Variants in FUBP3 observed in about 807,000 individuals in gnomAD.
The protein encoded by FUBP3 is far upstream element-binding protein 3.
FUBP3 carries 28 observed loss-of-function variants against 85.6 expected under a neutral mutation model. That is an observed-to-expected ratio of 0.33 (90% CI 0.24 to 0.45). The LOEUF (loss-of-function observed/expected upper bound fraction) is 0.45. FUBP3 is among the 20% of genes least tolerant of loss of function. FUBP3 has a pLI of 1.00. For synonymous variants in FUBP3, 271 were observed against 271.4 expected (o/e 1.00, Z 0.01); for missense variants, 583 against 755.1 (o/e 0.77, Z 2.67).
At position 130,616,330 on chromosome 9, in the gene FUBP3, C is replaced by T; in HGVS notation, c.405-25C>T. The T allele has an allele frequency of 6.2e-7, 1 of 1,612,952 alleles. No homozygotes were observed. The highest frequency in any genetic ancestry group is 8.5e-7 in the Non-Finnish European group (1 of 1,179,056). On this transcript the variant is annotated intron_variant, in intron 6 of 18. Transcript: ENST00000319725. The surrounding 1 kb of genome is among the most constrained non-coding windows in gnomAD (Gnocchi z 4.7). The stretch of plus-strand genomic sequence containing the variant: ...AGAGCCTCCATTTAATGCTGGTTCT[C>T]TTGTGGTTCTTTTCCCTCCCAAAGA...
At chr9:130,584,777 G>A (rs1830274380) in intron 1 of FUBP3, among the ~76,000 whole-genome samples, 1 of 152,158 alleles carries the variant, frequency 6.6e-6, no homozygotes, top group Non-Finnish European at 1.5e-5. Flanking sequence ...GCTGAGGCAG[G>A]AGAATTGCTT....
At chr9:130,632,396 A>G (rs1377382219) in intron 16 of FUBP3, 118 bp downstream of exon 16, 1 of 745,726 alleles carries the variant, frequency 1.3e-6, no homozygotes, top group Non-Finnish European at 2.3e-6. Flanking sequence ...CCCTCCCCAA[A>G]TGACAAGGAG....
intron 2 of FUBP3, among the ~76,000 whole-genome samples, chr9:130,601,501 C>T (rs1005201749): frequency 2.6e-5 from 4 of 152,170 alleles, no homozygotes; most frequent in East Asian, 1.9e-4. Flanking sequence ...CAGGAGAGTA[C>T]AGCACTGTCC....
intron 2 of FUBP3, among the ~76,000 whole-genome samples, chr9:130,596,183 G>C (rs1024419460): frequency 2.6e-5 from 4 of 152,180 alleles, no homozygotes. Context: ...CACTCTGGCA[G>C]AGTATCTATC....
chr9:130,637,322 T>G lies in FUBP3; in HGVS notation c.*300T>G. 2.6e-6 allele frequency: 1 copy of G among 382,616 alleles called. No homozygotes were observed. Among genetic ancestry groups the G allele is most frequent in the Non-Finnish European group, 4.8e-6 (1 of 208,282 alleles). The allele number at this position is 382,616 out of a possible 1,614,324, so 23.7% of individuals were successfully genotyped here. Reference sequence around the variant, plus strand: ...GCCTCAGAGCTGTGACATTTCAACATGATGGTTTTGGTTTGGTTTGGTTTT... The same window carrying G: ...GCCTCAGAGCTGTGACATTTCAACAGGATGGTTTTGGTTTGGTTTGGTTTT... On this transcript the variant is annotated 3_prime_UTR_variant, in exon 19 of 19. Transcript: ENST00000319725.
chr9:130,631,754 G>GT (rs1192065430), intron 14 of FUBP3, 124 bp downstream of exon 14: 2 of 869,882 alleles, frequency 2.3e-6, no homozygotes, highest in Non-Finnish European at 3.7e-6. Context: ...GGCAGGACTC[G>GT]TTTCTTTTCC....
At chr9:130,626,993 A>G (rs1421463134) in intron 12 of FUBP3, among the ~76,000 whole-genome samples, 2 of 152,206 alleles carry the variant, frequency 1.3e-5, no homozygotes, top group Non-Finnish European at 2.9e-5. Context: ...CTGCATATTT[A>G]CCGTGAGTCA....
chr9:130,595,166 C>T (rs568849877), intron 1 of FUBP3, among the ~76,000 whole-genome samples: 2 of 143,112 alleles, frequency 1.4e-5, no homozygotes, highest in Admixed American at 7.4e-5. Context: ...GCAAAGGTTG[C>T]GGTGAGCCAA....
chr9:130,606,005 A>G (rs1421123338), intron 2 of FUBP3, among the ~76,000 whole-genome samples: 1 of 152,216 alleles, frequency 6.6e-6, no homozygotes, highest in Non-Finnish European at 1.5e-5. Flanking sequence ...ACAACAAAAA[A>G]GAGTGACATT....
At chr9:130,621,078 T>C (rs145601293) in intron 9 of FUBP3, among the ~76,000 whole-genome samples, 2 of 152,256 alleles carry the variant, frequency 1.3e-5, no homozygotes, top group East Asian at 3.9e-4. Context: ...TTACACAACA[T>C]TGTGAATGTA....
intron 1 of FUBP3, among the ~76,000 whole-genome samples, chr9:130,586,516 C>A (rs1044070008): frequency 2.6e-5 from 4 of 151,734 alleles, no homozygotes; most frequent in Admixed American, 2.6e-4. Flanking sequence ...ATCCTCCTTC[C>A]TCAGCCTCCC....
chr9:130,608,679 G>A (rs1831583626), intron 2 of FUBP3, among the ~76,000 whole-genome samples: 1 of 152,208 alleles, frequency 6.6e-6, no homozygotes, highest in African/African-American at 2.4e-5. Context: ...GAGATAAGCA[G>A]ATTAATAGTG....
chr9:130,587,942 G>A (rs1374904592), intron 1 of FUBP3, among the ~76,000 whole-genome samples: 4 of 152,156 alleles, frequency 2.6e-5, no homozygotes, highest in Admixed American at 2.0e-4. Flanking sequence ...GAGAGATGAG[G>A]TTGTCAGGAA....
At chr9:130,595,431 C>T (rs949927081) in intron 1 of FUBP3, 52 bp from the exon 2 acceptor site, 1 of 898,358 alleles carries the variant, frequency 1.1e-6, no homozygotes, top group Non-Finnish European at 1.9e-6. Flanking sequence ...CTTTCTCCCT[C>T]AGATAGAGCC....
rs908546753 is a variant in FUBP3 at position 130,635,847 on chromosome 9, G to T, written c.1583-152G>T. ...GCTAACAGCACCTTTTGTAGCAAGCGCTCCTGCAACACCAGCCTCACCTCA... is the reference window on the plus strand; with the variant it reads ...GCTAACAGCACCTTTTGTAGCAAGCTCTCCTGCAACACCAGCCTCACCTCA... On this transcript the variant is annotated intron_variant, in intron 17 of 18. Transcript: ENST00000319725. The surrounding 1 kb of genome is among the most constrained non-coding windows in gnomAD (Gnocchi z 4.3). 34 of 724,032 alleles carry T rather than the reference G, an allele frequency of 4.7e-5. No homozygotes were observed. The highest frequency in any genetic ancestry group is 6.9e-5 in the Non-Finnish European group (30 of 435,882). The allele number at this position is 724,032 out of a possible 1,614,324, so 44.9% of individuals were successfully genotyped here.
chr9:130,613,577 T>G (rs555678994), intron 5 of FUBP3, among the ~76,000 whole-genome samples: 28 of 152,356 alleles, frequency 1.8e-4, no homozygotes, highest in African/African-American at 6.7e-4. Flanking sequence ...TATGGTTTTG[T>G]CATCTAATTT....
intron 16 of FUBP3, among the ~76,000 whole-genome samples, chr9:130,633,404 G>A (rs897418907): frequency 6.6e-6 from 1 of 152,200 alleles, no homozygotes; most frequent in Non-Finnish European, 1.5e-5. Flanking sequence ...TGCTGTTCTA[G>A]TCTGAGATAA....
chr9:130,600,141 T>C (rs1227116205), intron 2 of FUBP3, among the ~76,000 whole-genome samples: 4 of 116,390 alleles, frequency 3.4e-5, no homozygotes, highest in Non-Finnish European at 5.0e-5. Context: ...CCCCCTCTTT[T>C]CCCTTTTTCA....
chr9:130,624,310 A>G (rs146968027), intron 11 of FUBP3, among the ~76,000 whole-genome samples: 115 of 152,376 alleles, frequency 7.5e-4, no homozygotes, highest in African/African-American at 2.7e-3. Flanking sequence ...TGTTCCCAGC[A>G]GCAGACTCAG....
Sources: gnomAD v4.1 joint callset for allele counts (sites outside exome capture counted in the v4.1 genomes callset) on GRCh38, gnomAD v4.1.1 for gene constraint, Gnocchi (gnomAD v3.1) non-coding constraint, MANE v1.5 for transcripts, NCBI Gene and HGNC (gene_info 2026-07-23, HGNC 2026-07-21) for gene names.